Variants in NRXN1 observed in about 807,000 individuals in gnomAD.
The protein encoded by NRXN1 is neurexin-1.
Under a neutral mutation model 150.9 loss-of-function variants are expected in NRXN1, and 39 were observed. The ratio of observed to expected loss-of-function variants is 0.26; its 90% confidence interval spans 0.20 to 0.34. The LOEUF (loss-of-function observed/expected upper bound fraction) is 0.34, where lower values mean the gene tolerates loss of function less well. Among genes scored for constraint, NRXN1 ranks in the 10% least tolerant of loss-of-function variants. The pLI is 1.00. For missense variants in NRXN1, 1,815 were observed against 1,949.9 expected (o/e 0.93, Z 1.30); for synonymous variants, 924 against 757.0 (o/e 1.22, Z -3.62).
At chr2:50,710,816 G>GT (rs1695046343) in intron 5 of NRXN1, among the ~76,000 whole-genome samples, 1 of 152,130 alleles carries the variant, frequency 6.6e-6, no homozygotes, top group African/African-American at 2.4e-5. Context: ...TTTGACTACA[G>GT]TTACTTTGGT....
At chr2:50,216,986 A>C (rs993008414) in intron 18 of NRXN1, among the ~76,000 whole-genome samples, 1 of 152,108 alleles carries the variant, frequency 6.6e-6, no homozygotes. Flanking sequence ...AGATGTGGCT[A>C]AAAACAGCTT....
intron 5 of NRXN1, among the ~76,000 whole-genome samples, chr2:50,780,290 T>C (rs1387792755): frequency 1.3e-5 from 2 of 152,188 alleles, no homozygotes; most frequent in South Asian, 2.1e-4. Flanking sequence ...CTCCTTTCTA[T>C]ACAGATTGCT....
At chr2:50,828,695 A>T (rs1302573737) in intron 5 of NRXN1, among the ~76,000 whole-genome samples, 1 of 150,132 alleles carries the variant, frequency 6.7e-6, no homozygotes, top group Non-Finnish European at 1.5e-5. Flanking sequence ...GGTGCTCCTC[A>T]CTTCCTAGAT....
rs1355154473 is a variant in NRXN1 at position 50,917,600 on chromosome 2, C to T, written c.832+4269G>A. 3 of 151,528 alleles carry T rather than the reference C, an allele frequency of 2.0e-5. No individual in the cohort carries two copies. The East Asian group carries it at 5.9e-4, about 30-fold the overall frequency. The allele number at this position is 151,528 out of a possible 1,614,324, so 9.4% of individuals were successfully genotyped here. On this transcript the variant is annotated intron_variant, in intron 5 of 22. Coordinates refer to ENST00000401669, the MANE Select transcript of NRXN1 (RefSeq NM_001330078.2). ...TTTGATTAGGTCCTGAGGGCAGAGC[C>T]TTTATGAATGGGATTGCTGTCCTTA...
chr2:50,722,863 G>C (rs1199459593), intron 5 of NRXN1, among the ~76,000 whole-genome samples: 1 of 151,996 alleles, frequency 6.6e-6, no homozygotes, highest in African/African-American at 2.4e-5. Context: ...CTCATAAATC[G>C]TCTTGCCTTG....
At chr2:50,150,869 A>G (rs1345579888) in intron 18 of NRXN1, among the ~76,000 whole-genome samples, 6 of 151,464 alleles carry the variant, frequency 4.0e-5, no homozygotes, top group Non-Finnish European at 8.9e-5. Context: ...ACAGTACCTT[A>G]CCTCCCTGAA....
At chr2:50,923,215 G>A (rs949094756) in intron 3 of NRXN1, among the ~76,000 whole-genome samples, 8 of 151,824 alleles carry the variant, frequency 5.3e-5, no homozygotes, top group Non-Finnish European at 1.2e-4. Flanking sequence ...CTCCTTGTCT[G>A]ACACATGTAG....
intron 2 of NRXN1, among the ~76,000 whole-genome samples, chr2:50,996,891 G>C (rs1343157009): frequency 1.3e-5 from 2 of 152,016 alleles, no homozygotes; most frequent in African/African-American, 4.8e-5. Context: ...TCGTGAGGGG[G>C]GAGTAATCAT....
intron 5 of NRXN1, among the ~76,000 whole-genome samples, chr2:50,663,376 A>G (rs993918817): frequency 1.4e-4 from 21 of 152,016 alleles, no homozygotes; most frequent in Non-Finnish European, 8.8e-5. Flanking sequence ...CTTCTTAGAC[A>G]TTGGTTTTTG....
Position 49,919,814 on chromosome 2 carries a change from G to C in NRXN1, c.*2130C>G, listed in dbSNP as rs1261974122. The C allele has an allele frequency of 2.6e-5, 4 of 152,126 alleles. No homozygotes were observed. 9.4% of individuals were successfully genotyped at this position (152,126 alleles called of 1,614,324 possible). On this transcript the variant is annotated 3_prime_UTR_variant, in exon 23 of 23. Coordinates refer to ENST00000401669, the MANE Select transcript of NRXN1 (RefSeq NM_001330078.2). ...ACACAACAATTACTTGGCAACCATA[G>C]ATAGTGGTGATTTGCTATGAATTAT...
At chr2:50,088,031 C>T (rs1043467810) in intron 19 of NRXN1, among the ~76,000 whole-genome samples, 4 of 152,082 alleles carry the variant, frequency 2.6e-5, no homozygotes, top group African/African-American at 4.8e-5. Context: ...TGCTGGTTCC[C>T]GCTTCTCTGA....
At chr2:50,165,058 C>G (rs548034754) in intron 18 of NRXN1, among the ~76,000 whole-genome samples, 1 of 152,066 alleles carries the variant, frequency 6.6e-6, no homozygotes, top group African/African-American at 2.4e-5. Context: ...GTGAAAGAAC[C>G]TAAAAAGCCA....
intron 8 of NRXN1, among the ~76,000 whole-genome samples, chr2:50,555,903 G>C (rs928126014): frequency 7.2e-5 from 11 of 152,086 alleles, no homozygotes; most frequent in Non-Finnish European, 1.6e-4. Context: ...ATTCCTTTTA[G>C]AACGAAGAAT....
intron 5 of NRXN1, among the ~76,000 whole-genome samples, chr2:50,807,488 T>G (rs143343230): frequency 3.9e-5 from 6 of 152,184 alleles, no homozygotes; most frequent in African/African-American, 7.2e-5. Flanking sequence ...GACTGAATAA[T>G]TTTATATCAA....
At chr2:50,697,984 A>G (rs1693176906) in intron 5 of NRXN1, among the ~76,000 whole-genome samples, 1 of 150,968 alleles carries the variant, frequency 6.6e-6, no homozygotes, top group Admixed American at 6.6e-5. Flanking sequence ...TCTAAATAAC[A>G]ACACAACCCC....
At chr2:50,871,061 T>G (rs1295526649) in intron 5 of NRXN1, among the ~76,000 whole-genome samples, 4 of 151,940 alleles carry the variant, frequency 2.6e-5, no homozygotes, top group African/African-American at 9.7e-5. Flanking sequence ...AAAGTTTCAT[T>G]TATCAGTAGC....
chr2:50,721,850 A>G (rs1402996013), intron 5 of NRXN1, among the ~76,000 whole-genome samples: 1 of 152,134 alleles, frequency 6.6e-6, no homozygotes. Context: ...GGGTGTTAGT[A>G]TCTGAGAGAG....
At chr2:50,963,391 A>G (rs1227926256) in intron 2 of NRXN1, among the ~76,000 whole-genome samples, 4 of 151,450 alleles carry the variant, frequency 2.6e-5, no homozygotes, top group Admixed American at 6.6e-5. Flanking sequence ...TTCCCTGAAA[A>G]CATTCTATAC....
chr2:50,707,262 C>T (rs1376935268), intron 5 of NRXN1, among the ~76,000 whole-genome samples: 1 of 152,110 alleles, frequency 6.6e-6, no homozygotes, highest in East Asian at 1.9e-4. Context: ...GTACAAAAGA[C>T]ATTCAGGTGC....
Sources: allele counts gnomAD v4.1 joint callset (sites outside exome capture counted in the v4.1 genomes callset), GRCh38; gene constraint gnomAD v4.1.1; transcripts MANE v1.5; gene names NCBI Gene and HGNC (gene_info 2026-07-23, HGNC 2026-07-21).